The following MYH15 variants were observed in gnomAD, a reference collection of about 807,000 sequenced individuals.
MYH15 encodes myosin-15.
A neutral mutation model predicts 240.5 loss-of-function variants in MYH15; 227 were observed. The ratio of observed to expected loss-of-function variants is 0.94; its 90% CI spans 0.85 to 1.05. The LOEUF (loss-of-function observed/expected upper bound fraction) is 1.05, where lower values mean the gene tolerates loss of function less well. MYH15 is among the 50% of genes least tolerant of loss of function. The probability of loss-of-function intolerance (pLI) is 0.00; values close to 1 mark genes in which losing one functional copy is unlikely to be tolerated. For missense variants in MYH15, 2,217 were observed against 2,247.5 expected (o/e 0.99, Z 0.27); for synonymous variants, 785 against 796.7 (o/e 0.99, Z 0.25).
At chr3:108,386,403 T>C (rs1214468690) in intron 38 of MYH15, among the ~76,000 whole-genome samples, 1 of 152,134 alleles carries the variant, frequency 6.6e-6, no homozygotes, top group East Asian at 1.9e-4. Flanking sequence ...CTGTGAGAAG[T>C]GCAGTTACCT....
At chr3:108,440,386 GC>G (rs1180311017) in intron 23 of MYH15, among the ~76,000 whole-genome samples, 3 of 152,058 alleles carry the variant, frequency 2.0e-5, no homozygotes, top group Non-Finnish European at 4.4e-5. Context: ...ACTGTATCAG[GC>G]CCATGTGCTT....
At position 108,460,559 on chromosome 3, in the gene MYH15, T is replaced by C. The variant is rs192043411; in HGVS notation, c.1865-192A>G. On this transcript the variant is annotated intron_variant, in intron 16 of 40. Coordinates refer to ENST00000693548, the MANE Select transcript of MYH15 (RefSeq NM_014981.3). ...TTTTTAGTGTTTTTCCTTAAGGATA[T>C]AATCAGGCAACTGTGCAATGATACT... 3.6e-4 allele frequency among the ~76,000 whole-genome samples: 55 copies of C among 152,294 alleles called. 1 individual carries two copies. The highest frequency in any genetic ancestry group is 7.8e-4 in the Admixed American group (12 of 15,288).
At chr3:108,439,716 A>G (rs764118013) in intron 24 of MYH15, 21 bp downstream of exon 24, 4 of 1,534,248 alleles carry the variant, frequency 2.6e-6, no homozygotes, top group Non-Finnish European at 3.5e-6. Flanking sequence ...TAGATAACTA[A>G]CCAGATACAC....
At chr3:108,528,734 CTAAT>C (rs1180718738) in intron 1 of MYH15, among the ~76,000 whole-genome samples, 2 of 152,146 alleles carry the variant, frequency 1.3e-5, no homozygotes, top group African/African-American at 2.4e-5. Flanking sequence ...GGTCACAGTG[CTAAT>C]TAATACTCAG....
At chr3:108,485,572 C>T (rs1246514334) in intron 10 of MYH15, among the ~76,000 whole-genome samples, 1 of 152,152 alleles carries the variant, frequency 6.6e-6, no homozygotes. Context: ...CAGAAAGCAC[C>T]ATATCTGCTG....
Position 108,506,857 on chromosome 3 carries a change from C to G in MYH15, c.89-1028G>C, listed in dbSNP as rs150238236. Reference sequence around the variant, plus strand: ...ACCAGCCTGGCCAACATGGTGAAACCCCATTTCTACTAAAAATACAAAAAT... The same window carrying G: ...ACCAGCCTGGCCAACATGGTGAAACGCCATTTCTACTAAAAATACAAAAAT... On this transcript the variant is annotated intron_variant, in intron 1 of 40. Transcript: ENST00000693548. Among the ~76,000 whole-genome samples, 1,081 of 152,268 alleles carry G rather than the reference C, an allele frequency of 7.1e-3. 19 individuals are homozygous for G. Among genetic ancestry groups the G allele is most frequent in the African/African-American group, 0.025 (1,038 of 41,530 alleles).
intron 29 of MYH15, among the ~76,000 whole-genome samples, chr3:108,416,173 G>T (rs980962375): frequency 2.2e-4 from 34 of 152,234 alleles, no homozygotes; most frequent in African/African-American, 8.2e-4. Flanking sequence ...GAATAAAATG[G>T]TACAATATTT....
At chr3:108,470,588 G>A in intron 13 of MYH15, 110 bp downstream of exon 13, 1 of 1,106,676 alleles carries the variant, frequency 9.0e-7, no homozygotes, top group East Asian at 2.5e-5. Flanking sequence ...AGCCCTTAAG[G>A]TTTGCATAGA....
intron 29 of MYH15, among the ~76,000 whole-genome samples, 184 bp downstream of exon 29, chr3:108,416,628 T>C (rs551561518): frequency 1.3e-5 from 2 of 152,170 alleles, no homozygotes. Flanking sequence ...ACGAAGCAAT[T>C]TGAATCACCG....
At chr3:108,381,617 C>T (rs2107529830) in intron 40 of MYH15, 58 bp from the exon 41 acceptor site, 1 of 1,594,246 alleles carries the variant, frequency 6.3e-7, no homozygotes, top group Non-Finnish European at 8.6e-7. Context: ...ACCAGTGGAA[C>T]ACATGTCCAG....
upstream of MYH15, among the ~76,000 whole-genome samples, chr3:108,534,296 T>C (rs1286632832): frequency 6.6e-6 from 1 of 152,168 alleles, no homozygotes; most frequent in Admixed American, 6.5e-5. Context: ...ATCTTGAAAA[T>C]AGAAAATTAG....
intron 28 of MYH15, among the ~76,000 whole-genome samples, chr3:108,418,407 T>C (rs934551291): frequency 5.9e-5 from 9 of 152,238 alleles, no homozygotes; most frequent in Admixed American, 4.6e-4. Flanking sequence ...ATACAATTTT[T>C]ACCAGTATGT....
chr3:108,401,157 C>T (rs1346797217), intron 33 of MYH15, among the ~76,000 whole-genome samples: 1 of 152,090 alleles, frequency 6.6e-6, no homozygotes, highest in Admixed American at 6.5e-5. Context: ...TGCATTATGT[C>T]CCCACCAAAA....
the MYH15 span, among the ~76,000 whole-genome samples, chr3:108,538,896 C>A: frequency 6.6e-6 from 1 of 152,130 alleles, no homozygotes; most frequent in Non-Finnish European, 1.5e-5. Flanking sequence ...CTGCACATCA[C>A]CCCATGGCAG....
At chr3:108,484,713 C>CA (rs1362865204) in intron 11 of MYH15, among the ~76,000 whole-genome samples, 20 of 152,158 alleles carry the variant, frequency 1.3e-4, no homozygotes, top group Admixed American at 1.3e-3. Context: ...CTCCTGGCCT[C>CA]AAGTGATCCA....
Position 108,383,735 on chromosome 3 carries a change from AAAAT to A in MYH15, c.5632-10_5632-7del, listed in dbSNP as rs758924170. 31 of 1,484,656 alleles carry A rather than the reference AAAAT, an allele frequency of 2.1e-5. No individual in the cohort carries two copies. The highest frequency in any genetic ancestry group is 1.0e-4 in the South Asian group (8 of 78,468). The allele number at this position is 1,484,656 out of a possible 1,614,324, so 92.0% of individuals were successfully genotyped here. A position where few individuals can be genotyped will look rare whatever the true frequency, so the allele number is the denominator to read the frequency against. On this transcript the variant is annotated splice_region_variant and splice_polypyrimidine_tract_variant and intron_variant, in intron 39 of 40. Coordinates refer to ENST00000693548, the MANE Select transcript of MYH15 (RefSeq NM_014981.3). Reference sequence around the variant, plus strand: ...TATTGATTGGCTTGTGTTTCCTATAAAAATAAAAAAAAAAAAAAAGAAATCTCCA... The same window carrying A: ...TATTGATTGGCTTGTGTTTCCTATAAAAAAAAAAAAAAAAAGAAATCTCCA...
Position 108,389,007 on chromosome 3 carries a change from C to T in MYH15, c.5498G>A (p.Arg1833His), listed in dbSNP as rs201084859. Residue 1833 changes from arginine to histidine, a missense_variant, in exon 38 of 41, where the codon CGC becomes CAC. Arg to His is a conservative substitution (Grantham distance 29). Coordinates refer to ENST00000693548, the MANE Select transcript of MYH15 (RefSeq NM_014981.3). Reference protein sequence around the residue: ...RRSAEAQRGARRLERCIKELT... With the variant: ...RRSAEAQRGAHRLERCIKELT... ...CTCTTTGATGCATCGCTCAAGTCTGCGGGCTCCCCTCTGGGCCTCTGCACT... is the reference window on the plus strand; with the variant it reads ...CTCTTTGATGCATCGCTCAAGTCTGTGGGCTCCCCTCTGGGCCTCTGCACT... The T allele has an allele frequency of 9.2e-5, 148 of 1,613,658 alleles. No homozygotes were observed. Among genetic ancestry groups the T allele is most frequent in the Middle Eastern group, 3.3e-4 (2 of 6,060 alleles).
chr3:108,409,058 G>A (rs1325033460), intron 31 of MYH15, among the ~76,000 whole-genome samples: 1 of 152,192 alleles, frequency 6.6e-6, no homozygotes, highest in Non-Finnish European at 1.5e-5. Flanking sequence ...CCTAAGAGGT[G>A]TGGTATAGGG....
At position 108,500,302 on chromosome 3, in the gene MYH15, A is replaced by C. The variant is rs764814128; in HGVS notation, c.340-28T>G. ...GAGGGAAAATCAGAAAAGATTTCAG[A>C]AACTAGATTAGAAATACTTCCAGGT... On this transcript the variant is annotated intron_variant, in intron 3 of 40. Transcript: ENST00000693548. 2.5e-6 allele frequency: 4 copies of C among 1,589,134 alleles called. No individual in the cohort carries two copies. In the South Asian group the frequency reaches 4.5e-5, roughly 18 times the overall value.
Sources: allele counts gnomAD v4.1 joint callset (sites outside exome capture counted in the v4.1 genomes callset), GRCh38; gene constraint gnomAD v4.1.1; transcripts MANE v1.5; gene names NCBI Gene and HGNC (gene_info 2026-07-23, HGNC 2026-07-21).